The following ARHGAP15 variants were observed in gnomAD, a reference collection of about 807,000 sequenced individuals.
ARHGAP15 encodes the protein rho GTPase-activating protein 15.
In ARHGAP15, 51 loss-of-function variants were observed where a neutral mutation model predicts 63.7. The observed-to-expected ratio is 0.80, with a 90% CI of 0.64 to 1.01. The LOEUF (loss-of-function observed/expected upper bound fraction) is 1.01, where lower values mean the gene tolerates loss of function less well. Among genes scored for constraint, ARHGAP15 ranks in the 50% least tolerant of loss-of-function variants. The probability of loss-of-function intolerance (pLI) is 0.00; values close to 1 mark genes in which losing one functional copy is unlikely to be tolerated. For synonymous variants in ARHGAP15, 191 were observed against 193.8 expected, an observed-to-expected ratio of 0.99 and a Z score of 0.12; for missense variants, 560 against 564.6, an observed-to-expected ratio of 0.99 and a Z score of 0.08.
chr2:143,536,619 C>A (rs551075153), intron 10 of ARHGAP15, among the ~76,000 whole-genome samples: 2 of 150,202 alleles, frequency 1.3e-5, no homozygotes, highest in East Asian at 4.0e-4. Context: ...CGAGAACATG[C>A]GGTGTTTGGT....
chr2:143,658,417 T>G (rs1681571924), intron 12 of ARHGAP15, among the ~76,000 whole-genome samples: 1 of 152,244 alleles, frequency 6.6e-6, no homozygotes, highest in African/African-American at 2.4e-5. Flanking sequence ...CCTAATTATT[T>G]TCTCCTGTAA....
At chr2:143,440,966 G>A (rs1451281638) in intron 8 of ARHGAP15, among the ~76,000 whole-genome samples, 2 of 152,112 alleles carry the variant, frequency 1.3e-5, no homozygotes. Flanking sequence ...CCTTGGCGAG[G>A]TTTCTTAACT....
At chr2:143,392,806 T>TCAA (rs1385607300) in intron 6 of ARHGAP15, among the ~76,000 whole-genome samples, 14 of 152,222 alleles carry the variant, frequency 9.2e-5, no homozygotes, top group Non-Finnish European at 1.8e-4. Flanking sequence ...GACCTTTGGG[T>TCAA]GACTGGTCTA....
At chr2:143,182,462 T>C (rs1473221003) in intron 2 of ARHGAP15, among the ~76,000 whole-genome samples, 1 of 152,108 alleles carries the variant, frequency 6.6e-6, no homozygotes, top group Non-Finnish European at 1.5e-5. Context: ...ATATTTTCCT[T>C]CTCCACAAAA....
At chr2:143,645,400 T>C (rs911936120) in intron 12 of ARHGAP15, among the ~76,000 whole-genome samples, 1 of 152,074 alleles carries the variant, frequency 6.6e-6, no homozygotes, top group African/African-American at 2.4e-5. Flanking sequence ...TGATCTTATC[T>C]TGAAGCTTGA....
chr2:143,533,516 A>AT (rs1694612783), intron 10 of ARHGAP15, among the ~76,000 whole-genome samples: 1 of 152,148 alleles, frequency 6.6e-6, no homozygotes, highest in African/African-American at 2.4e-5. Context: ...AGACACCCTT[A>AT]TTCACACTTT....
At chr2:143,320,694 C>T (rs1490709632) in intron 6 of ARHGAP15, among the ~76,000 whole-genome samples, 1 of 150,854 alleles carries the variant, frequency 6.6e-6, no homozygotes, top group African/African-American at 2.4e-5. Flanking sequence ...TGGGAAAATT[C>T]TCCCAGCAAA....
intron 11 of ARHGAP15, among the ~76,000 whole-genome samples, chr2:143,565,721 G>A (rs1051433200): frequency 6.6e-6 from 1 of 152,110 alleles, no homozygotes; most frequent in African/African-American, 2.4e-5. Context: ...CCTCAACATG[G>A]TATCTTGTTA....
intron 13 of ARHGAP15, among the ~76,000 whole-genome samples, chr2:143,766,022 G>A (rs1208831007): frequency 6.6e-6 from 1 of 152,130 alleles, no homozygotes; most frequent in Non-Finnish European, 1.5e-5. Context: ...AGCTTGCTTG[G>A]TGGTGGGCAA....
At chr2:143,453,673 A>G (rs538964308) in intron 8 of ARHGAP15, among the ~76,000 whole-genome samples, 211 of 152,098 alleles carry the variant, frequency 1.4e-3, no homozygotes, top group African/African-American at 4.8e-3. Flanking sequence ...ACAGAAGGCT[A>G]TAAACTTCCT....
At chr2:143,306,601 G>A (rs1426291598) in intron 6 of ARHGAP15, among the ~76,000 whole-genome samples, 1 of 152,066 alleles carries the variant, frequency 6.6e-6, no homozygotes, top group Non-Finnish European at 1.5e-5. Flanking sequence ...AATTACTTAG[G>A]AGAGGATCTA....
chr2:143,364,203 CAAAAA>C (rs371427810), intron 6 of ARHGAP15, among the ~76,000 whole-genome samples: 2 of 148,372 alleles, frequency 1.3e-5, no homozygotes, highest in East Asian at 4.0e-4. Flanking sequence ...ACAACAACAA[CAAAAA>C]AAAAAAAAAA....
chr2:143,601,650 T>C (rs1448074065), intron 11 of ARHGAP15: 1 of 152,118 alleles, frequency 6.6e-6, no homozygotes, highest in Non-Finnish European at 1.5e-5. Context: ...TCAAATTTTG[T>C]ATGATGCAGG....
chr2:143,468,473 A>T (rs1405751364), intron 8 of ARHGAP15, among the ~76,000 whole-genome samples: 2 of 152,116 alleles, frequency 1.3e-5, no homozygotes, highest in Non-Finnish European at 2.9e-5. Context: ...CCTTTTAGAA[A>T]TGGATATTGA....
At chr2:143,230,434 G>A (rs943462585) in intron 5 of ARHGAP15, among the ~76,000 whole-genome samples, 10 of 152,094 alleles carry the variant, frequency 6.6e-5, no homozygotes, top group Admixed American at 1.3e-4. Flanking sequence ...CATGCCTCTC[G>A]TTCAACCTTC....
intron 10 of ARHGAP15, among the ~76,000 whole-genome samples, chr2:143,554,645 AATG>A (rs1358769439): frequency 4.6e-5 from 7 of 152,086 alleles, no homozygotes; most frequent in African/African-American, 1.7e-4. Flanking sequence ...AAAAAAAGAA[AATG>A]ATAAGTTTTT....
intron 2 of ARHGAP15, among the ~76,000 whole-genome samples, chr2:143,187,740 T>C (rs1312122081): frequency 6.6e-6 from 1 of 152,216 alleles, no homozygotes; most frequent in Non-Finnish European, 1.5e-5. Context: ...ATTCCACTTA[T>C]ATTGAAGGAT....
intron 2 of ARHGAP15, among the ~76,000 whole-genome samples, chr2:143,188,202 T>G (rs1691522572): frequency 6.6e-6 from 1 of 152,148 alleles, no homozygotes. Context: ...TTCCCTCTAT[T>G]GTTTCATCAT....
At chr2:143,543,019 C>CTT (rs1321400772) in intron 10 of ARHGAP15, among the ~76,000 whole-genome samples, 1 of 151,228 alleles carries the variant, frequency 6.6e-6, no homozygotes, top group East Asian at 1.9e-4. Flanking sequence ...ATGCAGATAT[C>CTT]TTTTTGATAT....
Sources: allele counts gnomAD v4.1 joint callset (sites outside exome capture counted in the v4.1 genomes callset), GRCh38; gene constraint gnomAD v4.1.1; transcripts MANE v1.5; gene names NCBI Gene and HGNC (gene_info 2026-07-23, HGNC 2026-07-21).